The following PTGFRN variants were observed in gnomAD, a reference collection of about 807,000 sequenced individuals.
The protein encoded by PTGFRN is prostaglandin F2 receptor negative regulator.
A neutral mutation model predicts 83.2 loss-of-function variants in PTGFRN; 35 were observed. That is an observed-to-expected ratio of 0.42 (90% CI 0.32 to 0.56). The LOEUF (loss-of-function observed/expected upper bound fraction) is 0.56. PTGFRN is among the 20% of genes least tolerant of loss of function. PTGFRN has a pLI of 0.11. For missense variants in PTGFRN, 1,051 were observed against 1,179.5 expected (o/e 0.89, Z 1.60); for synonymous variants, 519 against 498.6 (o/e 1.04, Z -0.55).
intron 7 of PTGFRN, among the ~76,000 whole-genome samples, chr1:116,981,494 A>G (rs984532642): frequency 2.0e-5 from 3 of 152,354 alleles, no homozygotes; most frequent in Admixed American, 6.5e-5. Flanking sequence ...AGCTCTAAGC[A>G]AAGGGCGGTG....
intron 3 of PTGFRN, among the ~76,000 whole-genome samples, chr1:116,948,467 G>A (rs1158369570): frequency 6.6e-6 from 1 of 152,110 alleles, no homozygotes; most frequent in Non-Finnish European, 1.5e-5. Context: ...CTTTTATGTG[G>A]GAATGTCTAA....
At position 116,944,920 on chromosome 1, in the gene PTGFRN, G is replaced by C; in HGVS notation, c.660G>C (p.Val220=). The C allele has an allele frequency of 6.2e-7, 1 of 1,612,782 alleles. No individual in the cohort carries two copies. The highest frequency in any genetic ancestry group is 1.3e-5 in the African/African-American group (1 of 75,054). ...GYEQRYHSGD[V]RLDTVGSDAY... ...AGCAGCGCTACCACAGTGGGGACGT[G>C]CGCCTCGACACCGTGGGCAGCGACG... The change falls in exon 3 of 9, where the codon GTG becomes GTC. Residue 220 remains valine, a synonymous_variant. Transcript: ENST00000393203.
At position 116,910,208 on chromosome 1, in the gene PTGFRN, G is replaced by A. The variant is rs1490789112; in HGVS notation, c.5G>A (p.Gly2Glu). 2.7e-6 allele frequency: 4 copies of A among 1,474,948 alleles called. No individual in the cohort carries two copies. The highest frequency in any genetic ancestry group is 3.6e-6 in the Non-Finnish European group (4 of 1,119,484). The allele number at this position is 1,474,948 out of a possible 1,614,324, so 91.4% of individuals were successfully genotyped here. M[G>E]RLASRPLLLA... The stretch of plus-strand genomic sequence containing the variant: ...AGTCGCTCCCGCCGGGCGAGCATGG[G>A]GCGCCTGGCCTCGAGGCCGCTGCTG... The change falls in exon 1 of 9, where the codon GGG becomes GAG. Residue 2 changes from glycine (G) to glutamate (E), a missense_variant. Transcript: ENST00000393203.
chr1:116,933,159 T>TA (rs1380236380), intron 1 of PTGFRN, among the ~76,000 whole-genome samples: 1 of 152,186 alleles, frequency 6.6e-6, no homozygotes, highest in African/African-American at 2.4e-5. Context: ...ATGAAATAAA[T>TA]ACTATGAGAA....
At chr1:116,932,960 A>C (rs1488370321) in intron 1 of PTGFRN, among the ~76,000 whole-genome samples, 4 of 152,180 alleles carry the variant, frequency 2.6e-5, no homozygotes, top group African/African-American at 9.7e-5. Flanking sequence ...TATCTGTGAT[A>C]GGGGTGGTAA....
At chr1:116,963,758 C>G (rs1464278406) in intron 5 of PTGFRN, among the ~76,000 whole-genome samples, 2 of 151,548 alleles carry the variant, frequency 1.3e-5, no homozygotes, top group Admixed American at 6.6e-5. Flanking sequence ...CGGGTGCTCA[C>G]CACCACATTC....
rs529605531 is a variant in PTGFRN, at chr1:116,945,778, A to G, written c.832+686A>G. 4.0e-5 allele frequency among the ~76,000 whole-genome samples: 6 copies of G among 150,784 alleles called. No individual in the cohort carries two copies. The South Asian group carries it at 6.3e-4, about 16-fold the overall frequency. On this transcript the variant is annotated intron_variant, in intron 3 of 8. Transcript: ENST00000393203. ...TTTTTTTTTCAAACCCTCTACTGCA[A>G]TTATAGAAGTAATTAAGAAAATACA...
chr1:116,978,422 A>G (rs1342920854), intron 7 of PTGFRN, among the ~76,000 whole-genome samples: 2 of 152,208 alleles, frequency 1.3e-5, no homozygotes, highest in Admixed American at 6.5e-5. Flanking sequence ...ACAACAAAAA[A>G]AGAGAATTTT....
intron 2 of PTGFRN, 108 bp downstream of exon 2, chr1:116,942,191 C>T: frequency 7.2e-7 from 1 of 1,379,956 alleles, no homozygotes; most frequent in South Asian, 1.4e-5. Context: ...TCTGCTCCCT[C>T]CTCTGTCCAG....
At position 116,949,412 on chromosome 1, in the gene PTGFRN, G is replaced by A. The variant is rs760160080; in HGVS notation, c.1053G>A (p.Val351=). Residue 351 remains valine (V), a synonymous_variant, in exon 4 of 9, where the codon GTG becomes GTA. Transcript: ENST00000393203. ...HSSPHVALSH[V]DARSYHLLVR... is the part of the protein sequence containing the mutation. ...CGCCTCATGTTGCTTTGAGTCATGT[G>A]GATGCACGCTCCTACCATTTACTGG... 4 of 1,614,126 alleles carry A rather than the reference G, an allele frequency of 2.5e-6. No homozygotes were observed. Among genetic ancestry groups the A allele is most frequent in the Non-Finnish European group, 3.4e-6 (4 of 1,180,046 alleles).
intron 1 of PTGFRN, among the ~76,000 whole-genome samples, chr1:116,922,713 G>T (rs967537976): frequency 1.3e-5 from 2 of 152,162 alleles, no homozygotes; most frequent in African/African-American, 2.4e-5. Context: ...GATGAGGCAA[G>T]CTCTGCTTTC....
intron 7 of PTGFRN, among the ~76,000 whole-genome samples, chr1:116,976,259 A>C (rs1428245695): frequency 2.0e-5 from 3 of 152,232 alleles, no homozygotes; most frequent in African/African-American, 7.2e-5. Context: ...GGTGTACCTG[A>C]AAGTGATGGG....
chr1:116,912,488 C>T (rs1378347836), intron 1 of PTGFRN, among the ~76,000 whole-genome samples: 3 of 152,130 alleles, frequency 2.0e-5, no homozygotes, highest in Admixed American at 6.5e-5. Context: ...TCTTTTTGAC[C>T]TCCATATTCA....
At chr1:116,963,684 T>C (rs1650737138) in intron 5 of PTGFRN, among the ~76,000 whole-genome samples, 1 of 152,122 alleles carries the variant, frequency 6.6e-6, no homozygotes, top group Non-Finnish European at 1.5e-5. Flanking sequence ...TGTAGCTCAC[T>C]GCAGCCTTGA....
chr1:116,935,484 G>A (rs2767325), intron 1 of PTGFRN, among the ~76,000 whole-genome samples: 22,313 of 151,946 alleles, frequency 0.15, 2,861 homozygotes, highest in African/African-American at 0.35. Context: ...GTGGGAGTGA[G>A]GGTGGGGGCA....
At chr1:116,950,569 C>T (rs1268397030) in intron 4 of PTGFRN, among the ~76,000 whole-genome samples, 1 of 152,202 alleles carries the variant, frequency 6.6e-6, no homozygotes, top group Non-Finnish European at 1.5e-5. Flanking sequence ...CTGCTATGAC[C>T]TCCAACTCAT....
At position 116,974,285 on chromosome 1, in the gene PTGFRN, T is replaced by G. The variant is rs749715445; in HGVS notation, c.2129T>G (p.Phe710Cys). The G allele has an allele frequency of 6.2e-7, 1 of 1,613,170 alleles. No homozygotes were observed. The stretch of plus-strand genomic sequence containing the variant: ...ATTCGGGGAGATCTGATCAAATTGT[T>G]CTGTATCATCACTGTCGAGGGAGCA... Reference protein sequence around the residue: ...SVIRGDLIKLFCIITVEGAAL... With the variant: ...SVIRGDLIKLCCIITVEGAAL... Residue 710 changes from phenylalanine to cysteine, a missense_variant, in exon 7 of 9, where the codon TTC becomes TGC. Physicochemically the swap from Phe to Cys is radical, Grantham distance 205. Coordinates refer to ENST00000393203, the MANE Select transcript of PTGFRN (RefSeq NM_020440.4).
chr1:116,914,362 G>GA (rs1649347169), intron 1 of PTGFRN, among the ~76,000 whole-genome samples: 1 of 152,236 alleles, frequency 6.6e-6, no homozygotes, highest in Non-Finnish European at 1.5e-5. Flanking sequence ...GGAAAGCTGG[G>GA]AAGCCATGTG....
At chr1:116,911,891 A>G (rs1649281651) in intron 1 of PTGFRN, among the ~76,000 whole-genome samples, 1 of 152,208 alleles carries the variant, frequency 6.6e-6, no homozygotes, top group African/African-American at 2.4e-5. Context: ...GTCCACACAC[A>G]TTAATTGACT....
Sources: gnomAD v4.1 joint callset for allele counts (sites outside exome capture counted in the v4.1 genomes callset) on GRCh38, gnomAD v4.1.1 for gene constraint, MANE v1.5 for transcripts, NCBI Gene and HGNC (gene_info 2026-07-23, HGNC 2026-07-21) for gene names.